COL9A3: variants seen among roughly 807,000 people sequenced by gnomAD.
The protein encoded by COL9A3 is collagen type IX alpha 3 chain, also known as collagen alpha-3(IX) chain.
In COL9A3, 82 loss-of-function variants were observed where a neutral mutation model predicts 110.2. The observed-to-expected ratio is 0.74, with a 90% CI of 0.62 to 0.89. The LOEUF (loss-of-function observed/expected upper bound fraction) is 0.89. COL9A3 is among the 40% of genes least tolerant of loss of function. The pLI is 0.00. For missense variants in COL9A3, 1,066 were observed against 981.3 expected (o/e 1.09, Z -1.15); for synonymous variants, 494 against 403.8 (o/e 1.22, Z -2.68).
At chr20:62,838,948 G>C (rs2063654744) in intron 31 of COL9A3, among the ~76,000 whole-genome samples, 187 bp downstream of exon 31, 1 of 152,176 alleles carries the variant, frequency 6.6e-6, no homozygotes, top group South Asian at 2.1e-4. Context: ...ATCGGGGCTG[G>C]GCGCGGTGGC....
chr20:62,821,928 T>C (rs973403136), intron 8 of COL9A3, 118 bp downstream of exon 8: 51 of 754,526 alleles, frequency 6.8e-5, no homozygotes, highest in Non-Finnish European at 1.1e-4. Flanking sequence ...AACCCCACCT[T>C]GGTGGGTGTT....
chr20:62,836,771 C>A, intron 29 of COL9A3: 1 of 622,538 alleles, frequency 1.6e-6, no homozygotes, highest in Middle Eastern at 4.3e-4. Flanking sequence ...ACGCAGCAGA[C>A]GCCCTAAAGC....
chr20:62,828,725 G>C (rs1254506978), intron 17 of COL9A3, 39 bp from the exon 18 acceptor site: 1 of 1,609,334 alleles, frequency 6.2e-7, no homozygotes, highest in African/African-American at 1.3e-5. Context: ...AGGGAGGGGG[G>C]CCACTGCCCG....
chr20:62,816,708 G>A (rs1990921888), upstream of COL9A3, among the ~76,000 whole-genome samples: 1 of 152,210 alleles, frequency 6.6e-6, no homozygotes, highest in African/African-American at 2.4e-5. Flanking sequence ...CTCCCTGAAG[G>A]CGGCCCTTCA....
At chr20:62,828,016 G>C (rs2063568240) in intron 17 of COL9A3, 40 bp downstream of exon 17, 1 of 1,608,824 alleles carries the variant, frequency 6.2e-7, no homozygotes, top group Non-Finnish European at 8.5e-7. Context: ...TCCTCCCCCG[G>C]GTCCTGGGTA....
At chr20:62,838,065 T>C (rs761911907) in intron 30 of COL9A3, among the ~76,000 whole-genome samples, 7 of 152,240 alleles carry the variant, frequency 4.6e-5, no homozygotes, top group Non-Finnish European at 7.3e-5. Context: ...ATTTAAAACA[T>C]GATTACAAAA....
At chr20:62,834,181 T>C (rs539255022) in intron 26 of COL9A3, among the ~76,000 whole-genome samples, 2 of 152,136 alleles carry the variant, frequency 1.3e-5, no homozygotes, top group South Asian at 2.1e-4. Flanking sequence ...GCCTAATTGT[T>C]GTATTTTTAG....
At chr20:62,834,737 C>T (rs1022255580) in intron 26 of COL9A3, among the ~76,000 whole-genome samples, 12 of 151,866 alleles carry the variant, frequency 7.9e-5, no homozygotes, top group African/African-American at 2.7e-4. Flanking sequence ...CTGCCTCCTG[C>T]GTTCAAGCGA....
chr20:62,817,950 G>A (rs1990989789), intron 2 of COL9A3: 18 of 458,132 alleles, frequency 3.9e-5, no homozygotes, highest in Admixed American at 2.0e-4. Context: ...GGAGAGGCAC[G>A]TCCTTTGGGT....
chr20:62,830,479 G>T, intron 23 of COL9A3, 38 bp from the exon 24 acceptor site: 1 of 1,600,428 alleles, frequency 6.2e-7, no homozygotes. Flanking sequence ...AGACCCGACA[G>T]GGTATGGGCA....
chr20:62,816,921 G>A (rs2734534), upstream of COL9A3: 1 of 348,706 alleles, frequency 2.9e-6, no homozygotes, highest in Non-Finnish European at 4.7e-6. Context: ...GCGGGTGGAA[G>A]CCCCCCCGCC....
intron 2 of COL9A3, chr20:62,818,013 G>A (rs533020715): frequency 5.3e-6 from 2 of 374,886 alleles, no homozygotes; most frequent in South Asian, 4.9e-5. Flanking sequence ...AGCCAGCCAT[G>A]GAGGGGGCTT....
Position 62,817,082 on chromosome 20 carries a change from G to T in COL9A3, c.18G>T (p.Ala6=), listed in dbSNP as rs1247228061. Residue 6 remains alanine, a synonymous_variant, in exon 1 of 32, where the codon GCG becomes GCT. Coordinates refer to ENST00000649368, the MANE Select transcript of COL9A3 (RefSeq NM_001853.4). Reference sequence around the variant, plus strand: ...GCTCAGCCATGGCCGGGCCGCGCGCGTGCGCCCCGCTCCTGCTCCTGCTCC... The same window carrying T: ...GCTCAGCCATGGCCGGGCCGCGCGCTTGCGCCCCGCTCCTGCTCCTGCTCC... MAGPR[A]CAPLLLLLLL... 5 of 1,389,872 alleles carry T rather than the reference G, an allele frequency of 3.6e-6. No individual in the cohort carries two copies. The highest frequency in any genetic ancestry group is 4.7e-6 in the Non-Finnish European group (5 of 1,065,988). The allele number at this position is 1,389,872 out of a possible 1,614,324, so 86.1% of individuals were successfully genotyped here.
intron 31 of COL9A3, 79 bp from the exon 32 acceptor site, chr20:62,840,463 C>T (rs2063668323): frequency 7.5e-7 from 1 of 1,325,336 alleles, no homozygotes; most frequent in South Asian, 1.2e-5. Flanking sequence ...AAGAGCAGGG[C>T]TTGCCCACAG....
intron 28 of COL9A3, 68 bp from the exon 29 acceptor site, chr20:62,836,410 G>T (rs749479145): frequency 1.2e-6 from 2 of 1,613,820 alleles, no homozygotes; most frequent in Admixed American, 1.7e-5. Flanking sequence ...TACTTTGCGG[G>T]GTGACGGTGG....
chr20:62,819,909 C>A lies in COL9A3; in HGVS notation c.256-20C>A. On this transcript the variant is annotated intron_variant, in intron 4 of 31. Transcript: ENST00000649368. The stretch of plus-strand genomic sequence containing the variant: ...TGCTTCCCATGTGGCCCCTCGAGCT[C>A]GCCCTCTGCCTCTCCCCAGGGTCTG... 1.2e-6 allele frequency: 2 copies of A among 1,612,726 alleles called. No individual in the cohort carries two copies. The highest frequency in any genetic ancestry group is 2.2e-5 in the South Asian group (2 of 91,086).
At position 62,840,914 on chromosome 20, in the gene COL9A3, A is replaced by G. The variant is rs948349799; in HGVS notation, c.*182A>G. The G allele has an allele frequency of 9.3e-6, 6 of 642,876 alleles. No individual in the cohort carries two copies. The highest frequency in any genetic ancestry group is 7.3e-5 in the African/African-American group (4 of 54,544). The allele number at this position is 642,876 out of a possible 1,614,324, so 39.8% of individuals were successfully genotyped here. ...CCTCATCGGGCTGTCGCCTGACAGC[A>G]TACCTCAAAAGGCCCTAGCTAATAA... On this transcript the variant is annotated 3_prime_UTR_variant, in exon 32 of 32. Coordinates refer to ENST00000649368, the MANE Select transcript of COL9A3 (RefSeq NM_001853.4).
In COL9A3 at chr20:62,819,262, A is replaced by G. The variant is rs1278920589; in HGVS notation, c.224A>G (p.Glu75Gly). 6.2e-7 allele frequency: 1 copy of G among 1,612,360 alleles called. No individual in the cohort carries two copies. Among genetic ancestry groups the G allele is most frequent in the Non-Finnish European group, 8.5e-7 (1 of 1,179,906 alleles). The change falls in exon 4 of 32, where the codon GAG (glutamate) becomes GGG (glycine). Residue 75 changes from glutamate (E) to glycine (G), a missense_variant. Glu to Gly is a moderately conservative substitution (Grantham distance 98). Transcript: ENST00000649368. ...GAPGKPGKPG[E>G]AGLPGLPGVD... is the part of the protein sequence containing the mutation. ...CCAGGAAAGCCGGGGAAACCAGGAG[A>G]GGCTGGGCTGCCGGGACTGCCGGGT...
intron 3 of COL9A3, 103 bp from the exon 4 acceptor site, chr20:62,819,119 T>C (rs1296683722): frequency 1.7e-6 from 2 of 1,149,052 alleles, no homozygotes; most frequent in African/African-American, 1.5e-5. Context: ...CCATCCCGTA[T>C]GGTTGGGCTG....
Sources: gnomAD v4.1 joint callset for allele counts (sites outside exome capture counted in the v4.1 genomes callset) on GRCh38, gnomAD v4.1.1 for gene constraint, MANE v1.5 for transcripts, NCBI Gene and HGNC (gene_info 2026-07-23, HGNC 2026-07-21) for gene names.